CACNA1A: variants seen among roughly 807,000 people sequenced by gnomAD.
The protein encoded by CACNA1A is voltage-dependent P/Q-type calcium channel subunit alpha-1A.
CACNA1A carries 57 observed loss-of-function variants against 262.4 expected under a neutral mutation model. The ratio of observed to expected loss-of-function variants is 0.22; its 90% confidence interval spans 0.18 to 0.27. CACNA1A has a LOEUF of 0.27. Among genes scored for constraint, CACNA1A ranks in the 10% least tolerant of loss-of-function variants. The pLI is 1.00. For synonymous variants in CACNA1A, 1,431 were observed against 1,419.3 expected, an observed-to-expected ratio of 1.01 and a Z score of -0.18; for missense variants, 2,526 against 3,562.8, an observed-to-expected ratio of 0.71 and a Z score of 7.41.
intron 6 of CACNA1A, among the ~76,000 whole-genome samples, chr19:13,338,160 A>G (rs1227827797): frequency 1.3e-5 from 2 of 152,160 alleles, no homozygotes; most frequent in Non-Finnish European, 2.9e-5. Flanking sequence ...GCTTGCAGTG[A>G]GCGGAGATCA....
chr19:13,335,561 A>G (rs1217808442), intron 7 of CACNA1A, among the ~76,000 whole-genome samples: 1 of 152,186 alleles, frequency 6.6e-6, no homozygotes, highest in African/African-American at 2.4e-5. Flanking sequence ...GTAAACCCAA[A>G]CTATTGGTTT....
intron 1 of CACNA1A, among the ~76,000 whole-genome samples, chr19:13,476,309 C>T (rs1313268718): frequency 6.6e-6 from 1 of 152,154 alleles, no homozygotes; most frequent in Non-Finnish European, 1.5e-5. Flanking sequence ...CTGCCACCCT[C>T]CCGGCCAGCA....
At chr19:13,505,643 C>T (rs1488476945) in intron 1 of CACNA1A, among the ~76,000 whole-genome samples, 1 of 152,084 alleles carries the variant, frequency 6.6e-6, no homozygotes, top group East Asian at 1.9e-4. Context: ...CTGCACGACC[C>T]CAGGCCCCAG....
At chr19:13,493,409 C>G (rs936537682) in intron 1 of CACNA1A, among the ~76,000 whole-genome samples, 1 of 152,214 alleles carries the variant, frequency 6.6e-6, no homozygotes, top group Non-Finnish European at 1.5e-5. Flanking sequence ...TTCTACCAGC[C>G]AGATGCCAGT....
Position 13,345,999 on chromosome 19 carries a change from C to G in CACNA1A, c.979-10090G>C, listed in dbSNP as rs559480459. 2.9e-4 allele frequency among the ~76,000 whole-genome samples: 42 copies of G among 145,704 alleles called. No individual in the cohort carries two copies. In the Admixed American group the frequency reaches 3.1e-3, roughly 11 times the overall value. ...CACTGCAACCTCCATCTCCTGGGTTCAAGCGATTCTCGAGTCTCAGTCTCC... is the reference window on the plus strand; with the variant it reads ...CACTGCAACCTCCATCTCCTGGGTTGAAGCGATTCTCGAGTCTCAGTCTCC... On this transcript the variant is annotated intron_variant, in intron 6 of 46. Coordinates refer to ENST00000360228, the MANE Select transcript of CACNA1A (RefSeq NM_001127222.2).
chr19:13,416,598 A>G (rs7257432), intron 3 of CACNA1A, among the ~76,000 whole-genome samples: 48,170 of 151,750 alleles, frequency 0.32, 8,012 homozygotes, highest in East Asian at 0.57. Flanking sequence ...GGTGGATCAC[A>G]AGGTCAGGAG....
rs1018672275 is a variant in CACNA1A at position 13,236,970 on chromosome 19, C to G, written c.4951-1240G>C. Among the ~76,000 whole-genome samples the G allele has an allele frequency of 1.3e-5, 2 of 152,096 alleles. No individual in the cohort carries two copies. Among genetic ancestry groups the G allele is most frequent in the African/African-American group, 4.8e-5 (2 of 41,398 alleles). On this transcript the variant is annotated intron_variant, in intron 31 of 46. Coordinates refer to ENST00000360228, the MANE Select transcript of CACNA1A (RefSeq NM_001127222.2). The surrounding 1 kb of genome is among the most constrained non-coding windows in gnomAD (Gnocchi z 4.6). ...ATAAAACTGTTTTGTTGGGCCCGAGCAGTGTTTTTTCATTTGTCCTTGTTT... is the reference window on the plus strand; with the variant it reads ...ATAAAACTGTTTTGTTGGGCCCGAGGAGTGTTTTTTCATTTGTCCTTGTTT...
At chr19:13,210,103 G>A (rs2054749693) in intron 44 of CACNA1A, among the ~76,000 whole-genome samples, 1 of 152,094 alleles carries the variant, frequency 6.6e-6, no homozygotes, top group Non-Finnish European at 1.5e-5. Flanking sequence ...CCCAGGCACT[G>A]GAGGCTCTGG....
intron 3 of CACNA1A, among the ~76,000 whole-genome samples, chr19:13,446,832 C>A (rs930164257): frequency 6.6e-6 from 1 of 151,596 alleles, no homozygotes; most frequent in Non-Finnish European, 1.5e-5. Context: ...CTCAGGGAAT[C>A]CTCCCACCTC....
rs1278848763 is a variant in CACNA1A, at chr19:13,220,880, C to A, written c.5731+3787G>T. 2.6e-5 allele frequency among the ~76,000 whole-genome samples: 4 copies of A among 152,112 alleles called. No homozygotes were observed. The East Asian group carries it at 7.8e-4, about 30-fold the overall frequency. On this transcript the variant is annotated intron_variant, in intron 38 of 46. Coordinates refer to ENST00000360228, the MANE Select transcript of CACNA1A (RefSeq NM_001127222.2). ...GCCTCAAGTGATCCTCCTGCCTTGG[C>A]TTCCCAAAGTGCTGGGATTACAGGT... is the stretch of plus-strand genomic sequence containing the variant.
rs766934604 is a variant in CACNA1A, at chr19:13,231,762, T to G, written c.5348A>C (p.Asn1783Thr). The G allele has an allele frequency of 6.2e-7, 1 of 1,613,730 alleles. No individual in the cohort carries two copies. The highest frequency in any genetic ancestry group is 1.3e-5 in the African/African-American group (1 of 74,898). The change falls in exon 35 of 47, where the codon AAT becomes ACT. Residue 1783 changes from asparagine (N) to threonine (T), a missense_variant. By Grantham distance (65) the Asn-to-Thr change is moderately conservative (BLOSUM62 0). Transcript: ENST00000360228. ...NSGILTRECG[N>T]EFAYFYFVSF... ...AACAAAGTAAAAATAAGCAAATTCA[T>G]TGCCACACTCTCGAGTCAGGATGCC...
intron 31 of CACNA1A, among the ~76,000 whole-genome samples, chr19:13,240,993 A>G (rs2056066620): frequency 1.3e-5 from 2 of 152,224 alleles, no homozygotes; most frequent in Admixed American, 1.3e-4. Context: ...CTCCTTTATC[A>G]GACTTGGAGA....
intron 2 of CACNA1A, among the ~76,000 whole-genome samples, chr19:13,453,491 A>G (rs1599290584): frequency 6.6e-6 from 1 of 152,224 alleles, no homozygotes; most frequent in East Asian, 1.9e-4. Flanking sequence ...TACTTGTCAC[A>G]TGCAGCGTTC....
At chr19:13,371,553 G>A (rs2059323416) in intron 4 of CACNA1A, 135 bp downstream of exon 4, 1 of 661,488 alleles carries the variant, frequency 1.5e-6, no homozygotes, top group Non-Finnish European at 2.7e-6. Flanking sequence ...TTCCCTATAG[G>A]GAGTCCCAAA....
chr19:13,489,461 G>C (rs1980494133), intron 1 of CACNA1A, among the ~76,000 whole-genome samples: 1 of 151,776 alleles, frequency 6.6e-6, no homozygotes, highest in Non-Finnish European at 1.5e-5. Context: ...GCCAATTTTT[G>C]TATTTTTTTG....
At chr19:13,389,905 C>T (rs1466210206) in intron 3 of CACNA1A, among the ~76,000 whole-genome samples, 9 of 152,044 alleles carry the variant, frequency 5.9e-5, no homozygotes, top group Admixed American at 5.9e-4. Context: ...CTCTGCTTCC[C>T]AGGTTCAAGC....
chr19:13,415,743 T>TAAAA (rs71170510), intron 3 of CACNA1A, among the ~76,000 whole-genome samples: 644 of 42,500 alleles, frequency 0.015, 54 homozygotes, highest in Middle Eastern at 0.042. Flanking sequence ...CTGTCTCAAT[T>TAAAA]AAAAAAAAAA....
At position 13,393,811 on chromosome 19, in the gene CACNA1A, TC is replaced by T. The variant is rs1599358216; in HGVS notation, c.540-22033del. Among the ~76,000 whole-genome samples the T allele has an allele frequency of 4.9e-5, 4 of 82,140 alleles. No individual in the cohort carries two copies. The East Asian group carries it at 1.6e-3, about 32-fold the overall frequency. 53.9% of individuals were successfully genotyped at this position (82,140 alleles called of 152,430 possible). ...CTTCCTTCCTTCCCTCCCTCCTTCC[TC>T]TCTCTCTCTCTCTCTCTCTCTCTCT... On this transcript the variant is annotated intron_variant, in intron 3 of 46. Transcript: ENST00000360228.
rs16004 is a variant in CACNA1A at position 13,371,770 on chromosome 19, C to A, written c.549G>T (p.Ala183=). 47 of 1,571,184 alleles carry A rather than the reference C, an allele frequency of 3.0e-5. No individual in the cohort carries two copies. The African/African-American group carries it at 3.1e-4, about 10-fold the overall frequency. Residue 183 remains alanine, a synonymous_variant, in exon 4 of 47, where the codon GCG becomes GCT. Coordinates refer to ENST00000360228, the MANE Select transcript of CACNA1A (RefSeq NM_001127222.2). ...DFVVVLTGIL[A]TVGTEFDLRT... ...GTAGGTCAAACTCCGTCCCAACTGT[C>A]GCCAAGATGCTGAAAGAAAGAAGCC...
Sources: gnomAD v4.1 joint callset for allele counts (sites outside exome capture counted in the v4.1 genomes callset) on GRCh38, gnomAD v4.1.1 for gene constraint, Gnocchi (gnomAD v3.1) non-coding constraint, MANE v1.5 for transcripts, NCBI Gene and HGNC (gene_info 2026-07-23, HGNC 2026-07-21) for gene names.